GCNT1: variants seen among roughly 807,000 people sequenced by gnomAD.
GCNT1 encodes glucosaminyl (N-acetyl) transferase 1.
GCNT1 carries 16 observed loss-of-function variants against 26.2 expected under a neutral mutation model. The ratio of observed to expected loss-of-function variants is 0.61; its 90% confidence interval spans 0.41 to 0.93. GCNT1 has a LOEUF of 0.93. GCNT1 is among the 40% of genes least tolerant of loss of function. GCNT1 has a pLI of 0.00. For synonymous variants in GCNT1, 183 were observed against 190.8 expected (o/e 0.96, Z 0.34); for missense variants, 477 against 526.7 (o/e 0.91, Z 0.92).
chr9:76,398,934 C>T, the GCNT1 span: 1 of 1,528,170 alleles, frequency 6.5e-7, no homozygotes, highest in Admixed American at 1.7e-5. Context: ...GTTATATCCT[C>T]CAGGAATACT....
the GCNT1 span, among the ~76,000 whole-genome samples, chr9:76,412,567 C>T: frequency 4.6e-5 from 7 of 152,056 alleles, no homozygotes; most frequent in African/African-American, 1.7e-4. Context: ...TTTCTCTCAC[C>T]ACTTTAAATA....
At chr9:76,394,349 C>T in the GCNT1 span, 2 of 540,400 alleles carry the variant, frequency 3.7e-6, no homozygotes, top group African/African-American at 2.0e-5. Flanking sequence ...TCCCTGACGC[C>T]GCCGACCCAA....
chr9:76,428,493 C>A (rs1016820615), intron 1 of GCNT1, among the ~76,000 whole-genome samples: 3 of 151,566 alleles, frequency 2.0e-5, no homozygotes, highest in Non-Finnish European at 4.4e-5. Context: ...AATATTTTGA[C>A]ATATTTGCTT....
chr9:76,487,202 G>A (rs946509372), intron 2 of GCNT1, among the ~76,000 whole-genome samples: 21 of 152,138 alleles, frequency 1.4e-4, no homozygotes, highest in African/African-American at 4.6e-4. Context: ...CAAGGCCTTC[G>A]CCTTGTGATC....
intron 1 of GCNT1, among the ~76,000 whole-genome samples, chr9:76,443,869 A>G: frequency 8.7e-6 from 1 of 114,550 alleles, no homozygotes; most frequent in Non-Finnish European, 1.9e-5. Context: ...GACTCTGTCT[A>G]AAAAAAGGAA....
intron 2 of GCNT1, among the ~76,000 whole-genome samples, chr9:76,489,034 C>CA (rs751227512): frequency 6.4e-4 from 98 of 152,260 alleles, no homozygotes; most frequent in Non-Finnish European, 1.0e-3. Flanking sequence ...ATGGCTTCTT[C>CA]ACTCACATGT....
chr9:76,418,449 G>A (rs117850592), upstream of GCNT1, among the ~76,000 whole-genome samples: 1,080 of 152,274 alleles, frequency 7.1e-3, 6 homozygotes, highest in Middle Eastern at 0.014. Context: ...CTTGCACCAG[G>A]TTTTCAGGTT....
chr9:76,454,200 G>A (rs1025567941), upstream of GCNT1, among the ~76,000 whole-genome samples: 1 of 151,728 alleles, frequency 6.6e-6, no homozygotes, highest in African/African-American at 2.4e-5. Flanking sequence ...GACCAACATG[G>A]TGAAAACTCG....
chr9:76,477,030 T>C (rs2131610649), intron 2 of GCNT1, among the ~76,000 whole-genome samples: 1 of 152,106 alleles, frequency 6.6e-6, no homozygotes, highest in East Asian at 2.0e-4. Flanking sequence ...GTCTCGTGCC[T>C]CAGCGTCCCG....
At chr9:76,501,661 T>C (rs1197534434) in intron 3 of GCNT1, 1 of 152,218 alleles carries the variant, frequency 6.6e-6, no homozygotes, top group Non-Finnish European at 1.5e-5. Flanking sequence ...CCTTCAAAGA[T>C]TCTTAGAAGT....
At chr9:76,406,437 C>T in the GCNT1 span, among the ~76,000 whole-genome samples, 5 of 146,802 alleles carry the variant, frequency 3.4e-5, no homozygotes, top group East Asian at 8.0e-4. Flanking sequence ...ATCAAGGCTA[C>T]AGTGAGCCAT....
Position 76,505,099 on chromosome 9 carries a change from T to C in GCNT1, c.*1431T>C. On this transcript the variant is annotated 3_prime_UTR_variant, in exon 4 of 4. Coordinates refer to ENST00000376730, the MANE Select transcript of GCNT1 (RefSeq NM_001490.5). ...GTTCAGCAAACAAGCTACCAGGAAC[T>C]GTGAGGCTTTGTCATTTAGCATTAG... 1.2e-5 allele frequency: 5 copies of C among 412,016 alleles called. No individual in the cohort carries two copies. In the East Asian group the frequency reaches 1.8e-4, roughly 15 times the overall value. The allele number at this position is 412,016 out of a possible 1,614,324, so 25.5% of individuals were successfully genotyped here.
At chr9:76,419,858 A>C (rs181214099) in exon 1 of GCNT1, 1 of 152,360 alleles carries the variant, frequency 6.6e-6, no homozygotes, top group African/African-American at 2.4e-5. Flanking sequence ...CAGCACCTCT[A>C]TCTTGCTGAG....
chr9:76,476,019 G>A (rs182520625), intron 2 of GCNT1, among the ~76,000 whole-genome samples: 3 of 152,254 alleles, frequency 2.0e-5, no homozygotes, highest in Admixed American at 2.0e-4. Flanking sequence ...GAGTTGAGCT[G>A]GATTTTGAAC....
At chr9:76,441,356 G>A (rs1052700065), upstream of GCNT1, among the ~76,000 whole-genome samples, 3 of 152,072 alleles carry the variant, frequency 2.0e-5, no homozygotes, top group African/African-American at 7.2e-5. Flanking sequence ...ATGTTGGCCA[G>A]GCTGGTCTCA....
chr9:76,480,798 G>A (rs1824401376), intron 2 of GCNT1, among the ~76,000 whole-genome samples: 1 of 152,144 alleles, frequency 6.6e-6, no homozygotes, highest in African/African-American at 2.4e-5. Flanking sequence ...CAGGCATGGA[G>A]AACTGATATT....
the GCNT1 span, chr9:76,394,518 G>C: frequency 1.5e-5 from 3 of 199,382 alleles, no homozygotes; most frequent in African/African-American, 7.1e-5. Flanking sequence ...TCAGCCGAAC[G>C]CCTCGAGCCC....
Position 76,503,588 on chromosome 9 carries a change from G to A in GCNT1, c.1207G>A (p.Asp403Asn). ...ACACCACTTGTTTGCCAATAAGTTT[G>A]ACGTGGATGTTGACCTCTTTGCCAT... ...RKHHLFANKF[D>N]VDVDLFAIQC... Residue 403 changes from aspartate (D) to asparagine (N), a missense_variant, in exon 4 of 4, where the codon GAC (aspartate) becomes AAC (asparagine). Coordinates refer to ENST00000376730, the MANE Select transcript of GCNT1 (RefSeq NM_001490.5). 4 of 1,614,212 alleles carry A rather than the reference G, an allele frequency of 2.5e-6. No individual in the cohort carries two copies. Among genetic ancestry groups the A allele is most frequent in the Non-Finnish European group, 3.4e-6 (4 of 1,180,030 alleles).
chr9:76,478,781 C>G (rs1338336449), intron 2 of GCNT1, among the ~76,000 whole-genome samples: 1 of 152,206 alleles, frequency 6.6e-6, no homozygotes, highest in Non-Finnish European at 1.5e-5. Flanking sequence ...CAATCATGGA[C>G]ATTCCTTTGG....
Sources: allele counts gnomAD v4.1 joint callset (sites outside exome capture counted in the v4.1 genomes callset), GRCh38; gene constraint gnomAD v4.1.1; transcripts MANE v1.5; gene names NCBI Gene and HGNC (gene_info 2026-07-23, HGNC 2026-07-21).